The following MBOAT2 variants were observed in gnomAD, a reference collection of about 807,000 sequenced individuals.
MBOAT2 encodes membrane bound glycerophospholipid O-acyltransferase 2.
A neutral mutation model predicts 63.4 loss-of-function variants in MBOAT2; 28 were observed. The observed-to-expected ratio is 0.44, with a 90% CI of 0.33 to 0.61. The LOEUF (loss-of-function observed/expected upper bound fraction) is 0.61, where lower values mean the gene tolerates loss of function less well. Among genes scored for constraint, MBOAT2 ranks in the 20% least tolerant of loss-of-function variants. The pLI, the probability that MBOAT2 is intolerant of heterozygous loss-of-function variation, is 0.03. For missense variants in MBOAT2, 470 were observed against 605.8 expected (o/e 0.78, Z 2.35); for synonymous variants, 211 against 215.6 (o/e 0.98, Z 0.19).
intron 3 of MBOAT2, among the ~76,000 whole-genome samples, chr2:8,932,904 A>G (rs1667423895): frequency 6.6e-6 from 1 of 152,234 alleles, no homozygotes; most frequent in South Asian, 2.1e-4. Context: ...CTATACACTC[A>G]TAACAACACA....
At chr2:8,982,174 C>T (rs1671242958) in intron 1 of MBOAT2, among the ~76,000 whole-genome samples, 1 of 152,080 alleles carries the variant, frequency 6.6e-6, no homozygotes, top group African/African-American at 2.4e-5. Context: ...ATGTATGACC[C>T]ACCATTATTA....
chr2:8,996,814 T>C (rs961555074), intron 1 of MBOAT2, among the ~76,000 whole-genome samples: 4 of 152,214 alleles, frequency 2.6e-5, no homozygotes, highest in African/African-American at 9.7e-5. Context: ...CCTACTTCAA[T>C]CTGTATCTCT....
At chr2:8,867,215 C>A (rs1284216923) in intron 9 of MBOAT2, among the ~76,000 whole-genome samples, 2 of 151,986 alleles carry the variant, frequency 1.3e-5, no homozygotes, top group Non-Finnish European at 2.9e-5. Context: ...TGGGGTTTTG[C>A]CATGTTGCCC....
At chr2:8,961,794 T>C (rs965584373) in intron 1 of MBOAT2, among the ~76,000 whole-genome samples, 8 of 152,120 alleles carry the variant, frequency 5.3e-5, no homozygotes, top group South Asian at 4.2e-4. Flanking sequence ...GGGGGCATAA[T>C]TGACCAAGAG....
At chr2:8,969,376 A>G (rs369992817) in intron 1 of MBOAT2, among the ~76,000 whole-genome samples, 1 of 152,246 alleles carries the variant, frequency 6.6e-6, no homozygotes, top group South Asian at 2.1e-4. Flanking sequence ...AGGAAGCACT[A>G]AACATGGAGA....
At chr2:8,892,691 C>T (rs1338763808) in intron 4 of MBOAT2, among the ~76,000 whole-genome samples, 1 of 152,142 alleles carries the variant, frequency 6.6e-6, no homozygotes, top group African/African-American at 2.4e-5. Context: ...CTAAGGAATA[C>T]AGAACACAGG....
chr2:8,889,309 C>G (rs965580775), intron 4 of MBOAT2, among the ~76,000 whole-genome samples: 2 of 152,242 alleles, frequency 1.3e-5, no homozygotes, highest in Admixed American at 1.3e-4. Context: ...TTTAAACATT[C>G]CTACCACTGG....
At chr2:8,974,310 T>C (rs966543144) in intron 1 of MBOAT2, 3 of 452,938 alleles carry the variant, frequency 6.6e-6, no homozygotes, top group African/African-American at 4.0e-5. Flanking sequence ...TAGGGATTAC[T>C]GGGAAAGTCT....
At chr2:8,879,562 G>C (rs1032212479) in intron 6 of MBOAT2, among the ~76,000 whole-genome samples, 2 of 152,040 alleles carry the variant, frequency 1.3e-5, no homozygotes, top group African/African-American at 4.8e-5. Flanking sequence ...TCAAGCTTGG[G>C]CTTCTCGTGT....
At chr2:8,864,574 G>A (rs1031829003) in intron 9 of MBOAT2, among the ~76,000 whole-genome samples, 7 of 151,898 alleles carry the variant, frequency 4.6e-5, no homozygotes, top group African/African-American at 1.2e-4. Context: ...AAACTGGGGC[G>A]CCCACCTTGT....
intron 1 of MBOAT2, among the ~76,000 whole-genome samples, chr2:8,996,309 A>C (rs1424656787): frequency 6.6e-6 from 1 of 152,202 alleles, no homozygotes; most frequent in Non-Finnish European, 1.5e-5. Flanking sequence ...TGTATGACTG[A>C]GAAGAAAGAG....
At chr2:8,916,375 T>G (rs1018871313) in intron 3 of MBOAT2, among the ~76,000 whole-genome samples, 6 of 152,230 alleles carry the variant, frequency 3.9e-5, no homozygotes, top group Admixed American at 3.9e-4. Flanking sequence ...TCTGTAGAGT[T>G]CTAGAACGGA....
chr2:8,977,694 T>C (rs1670917535), intron 1 of MBOAT2, among the ~76,000 whole-genome samples: 2 of 152,154 alleles, frequency 1.3e-5, no homozygotes, highest in Non-Finnish European at 2.9e-5. Context: ...TTCAGACATT[T>C]ATTCGGCTGT....
chr2:8,884,410 A>C (rs141729223), intron 5 of MBOAT2, among the ~76,000 whole-genome samples: 35 of 152,026 alleles, frequency 2.3e-4, no homozygotes, highest in African/African-American at 7.5e-4. Flanking sequence ...TTTAAACCCC[A>C]AAAAAGGGTA....
At chr2:8,942,470 C>T (rs944275127) in intron 3 of MBOAT2, among the ~76,000 whole-genome samples, 6 of 152,218 alleles carry the variant, frequency 3.9e-5, no homozygotes, top group Non-Finnish European at 7.3e-5. Context: ...AGCTACCCAG[C>T]TCCTACTACA....
rs116613954 is a variant in MBOAT2 at position 8,869,366 on chromosome 2, C to A, written c.884-817G>T. Among the ~76,000 whole-genome samples, 303 of 152,176 alleles carry A rather than the reference C, an allele frequency of 2.0e-3. 1 individual carries two copies. Among genetic ancestry groups the A allele is most frequent in the African/African-American group, 6.9e-3 (285 of 41,508 alleles). On this transcript the variant is annotated intron_variant, in intron 8 of 12. Coordinates refer to ENST00000305997, the MANE Select transcript of MBOAT2 (RefSeq NM_138799.4). ...CCGACCCAGAATTTGTTTTCTAATC[C>A]TTTTCACCACAATGCTCAATTAGTT...
chr2:8,990,163 T>C (rs2103359726), intron 1 of MBOAT2, among the ~76,000 whole-genome samples: 1 of 152,340 alleles, frequency 6.6e-6, no homozygotes, highest in Non-Finnish European at 1.5e-5. Flanking sequence ...CAATAAATAC[T>C]GAATGAGCTA....
At chr2:9,000,290 C>T (rs1477448777) in intron 1 of MBOAT2, among the ~76,000 whole-genome samples, 2 of 152,128 alleles carry the variant, frequency 1.3e-5, no homozygotes, top group African/African-American at 2.4e-5. Context: ...GTGATTATAA[C>T]AAATTCATAA....
At chr2:8,859,214 G>A (rs1661325922) in intron 12 of MBOAT2, among the ~76,000 whole-genome samples, 1 of 152,146 alleles carries the variant, frequency 6.6e-6, no homozygotes, top group Non-Finnish European at 1.5e-5. Flanking sequence ...AATACCGGTA[G>A]CAATCTGAAA....
Sources: gnomAD v4.1 joint callset for allele counts (sites outside exome capture counted in the v4.1 genomes callset) on GRCh38, gnomAD v4.1.1 for gene constraint, MANE v1.5 for transcripts, NCBI Gene and HGNC (gene_info 2026-07-23, HGNC 2026-07-21) for gene names.